TIAM1: variants seen among roughly 807,000 people sequenced by gnomAD.
The protein encoded by TIAM1 is TIAM Rac1 associated GEF 1, also known as rho guanine nucleotide exchange factor TIAM1.
A neutral mutation model predicts 163.5 loss-of-function variants in TIAM1; 65 were observed. The observed-to-expected ratio is 0.40, with a 90% confidence interval of 0.33 to 0.49. TIAM1 has a LOEUF of 0.49. TIAM1 is among the 20% of genes least tolerant of loss of function. The probability of loss-of-function intolerance (pLI) is 0.77; values close to 1 mark genes in which losing one functional copy is unlikely to be tolerated. For synonymous variants in TIAM1, 833 were observed against 810.1 expected (o/e 1.03, Z -0.48); for missense variants, 1,789 against 2,044.7 (o/e 0.87, Z 2.41).
At chr21:31,372,612 T>A (rs1372168302) in intron 2 of TIAM1, among the ~76,000 whole-genome samples, 1 of 151,346 alleles carries the variant, frequency 6.6e-6, no homozygotes, top group Non-Finnish European at 1.5e-5. Flanking sequence ...CAGGCGAGGG[T>A]AGGGGTGGGG....
chr21:31,177,505 G>T (rs866443121), intron 15 of TIAM1, among the ~76,000 whole-genome samples: 1 of 152,156 alleles, frequency 6.6e-6, no homozygotes, highest in African/African-American at 2.4e-5. Context: ...TATTTGGGAG[G>T]CTGAGGCAGG....
intron 19 of TIAM1, among the ~76,000 whole-genome samples, chr21:31,149,038 GGAGCAAA>G (rs1263311894): frequency 6.6e-6 from 1 of 151,532 alleles, no homozygotes; most frequent in Non-Finnish European, 1.5e-5. Flanking sequence ...AACAGGTTTG[GGAGCAAA>G]TCTGGAAACC....
At chr21:31,535,279 G>A (rs2048093585) in intron 1 of TIAM1, among the ~76,000 whole-genome samples, 1 of 149,324 alleles carries the variant, frequency 6.7e-6, no homozygotes, top group Admixed American at 6.8e-5. Flanking sequence ...TGCTCAGGAG[G>A]CTGAGGCAGA....
intron 2 of TIAM1, among the ~76,000 whole-genome samples, chr21:31,386,423 T>G (rs1335120810): frequency 6.6e-6 from 1 of 151,596 alleles, no homozygotes; most frequent in East Asian, 1.9e-4. Flanking sequence ...AAAAGCAAAA[T>G]CAAACCCACA....
chr21:31,195,311 A>C lies in TIAM1; in HGVS notation c.2494-6T>G. ...ATTTCAATTTCTTTGTACAGCTGAA[A>C]GTTACAAAGGGGAATCTAATTAGAA... On this transcript the variant is annotated splice_region_variant and splice_polypyrimidine_tract_variant and intron_variant, in intron 12 of 27. Coordinates refer to ENST00000541036, the MANE Select transcript of TIAM1 (RefSeq NM_001353694.2). The C allele has an allele frequency of 6.2e-7, 1 of 1,600,656 alleles. No homozygotes were observed. Among genetic ancestry groups the C allele is most frequent in the Non-Finnish European group, 8.5e-7 (1 of 1,169,954 alleles).
At chr21:31,136,202 G>A (rs2082614331) in intron 22 of TIAM1, among the ~76,000 whole-genome samples, 161 bp from the exon 23 acceptor site, 1 of 152,178 alleles carries the variant, frequency 6.6e-6, no homozygotes, top group African/African-American at 2.4e-5. Flanking sequence ...AAGTTAAACT[G>A]CTGGATTTAG....
At chr21:31,432,551 C>A (rs376785605) in intron 2 of TIAM1, among the ~76,000 whole-genome samples, 3 of 152,292 alleles carry the variant, frequency 2.0e-5, no homozygotes, top group African/African-American at 7.2e-5. Context: ...GACACACTCT[C>A]CGGCCAGTTT....
intron 2 of TIAM1, among the ~76,000 whole-genome samples, chr21:31,338,547 T>TA (rs2075921575): frequency 6.6e-6 from 1 of 152,176 alleles, no homozygotes; most frequent in Non-Finnish European, 1.5e-5. Flanking sequence ...CTGCATGGGC[T>TA]AACGTGACCG....
chr21:31,167,240 C>T (rs1288916376), intron 15 of TIAM1, among the ~76,000 whole-genome samples: 2 of 151,894 alleles, frequency 1.3e-5, no homozygotes, highest in Non-Finnish European at 2.9e-5. Context: ...TACAGGTGTG[C>T]ACCACCATGT....
chr21:31,231,259 T>C (rs2088409324), intron 6 of TIAM1, among the ~76,000 whole-genome samples: 1 of 152,160 alleles, frequency 6.6e-6, no homozygotes, highest in Non-Finnish European at 1.5e-5. Context: ...GAGATTTAAG[T>C]GCTCCTTTCT....
intron 15 of TIAM1, among the ~76,000 whole-genome samples, chr21:31,177,024 G>A (rs922942455): frequency 1.6e-4 from 24 of 152,328 alleles, no homozygotes; most frequent in African/African-American, 5.8e-4. Flanking sequence ...ACCTGTTGCA[G>A]ACTGAGGTGG....
At chr21:31,235,360 C>T (rs1375672260) in intron 6 of TIAM1, among the ~76,000 whole-genome samples, 1 of 152,174 alleles carries the variant, frequency 6.6e-6, no homozygotes, top group East Asian at 1.9e-4. Flanking sequence ...GCAGCCAATA[C>T]TATTTATATG....
intron 2 of TIAM1, among the ~76,000 whole-genome samples, chr21:31,448,899 C>T (rs929790522): frequency 1.3e-5 from 2 of 152,128 alleles, no homozygotes; most frequent in African/African-American, 4.8e-5. Context: ...AGGTACTTGA[C>T]CTCTCCCAAC....
At chr21:31,161,418 G>A (rs999429944) in intron 16 of TIAM1, among the ~76,000 whole-genome samples, 20 of 152,156 alleles carry the variant, frequency 1.3e-4, no homozygotes, top group African/African-American at 4.6e-4. Flanking sequence ...GAAAGAGAAA[G>A]GCTGCTAGAC....
At chr21:31,406,221 G>A (rs535152979) in intron 2 of TIAM1, among the ~76,000 whole-genome samples, 12 of 146,856 alleles carry the variant, frequency 8.2e-5, no homozygotes, top group African/African-American at 2.8e-4. Flanking sequence ...TCACTCTTGA[G>A]CAGGTTCCCA....
intron 2 of TIAM1, among the ~76,000 whole-genome samples, chr21:31,315,031 C>T (rs545754519): frequency 6.6e-6 from 1 of 152,088 alleles, no homozygotes; most frequent in Non-Finnish European, 1.5e-5. Context: ...TGGTGAGAGT[C>T]GCCAAACCTC....
At chr21:31,446,722 A>G (rs557548722) in intron 2 of TIAM1, among the ~76,000 whole-genome samples, 1 of 152,342 alleles carries the variant, frequency 6.6e-6, no homozygotes, top group East Asian at 1.9e-4. Flanking sequence ...GGCAGGCACC[A>G]TAGCAGCAGC....
intron 15 of TIAM1, among the ~76,000 whole-genome samples, chr21:31,173,928 C>T (rs931575988): frequency 7.2e-5 from 11 of 152,172 alleles, no homozygotes; most frequent in Admixed American, 7.2e-4. Context: ...ACCCCGCCCC[C>T]GGCCATAGCA....
chr21:31,205,370 C>T (rs963033289), intron 11 of TIAM1, among the ~76,000 whole-genome samples: 7 of 152,176 alleles, frequency 4.6e-5, no homozygotes, highest in African/African-American at 1.4e-4. Context: ...TTAATAAACA[C>T]TTTGTGGGCA....
Sources: allele counts gnomAD v4.1 joint callset (sites outside exome capture counted in the v4.1 genomes callset), GRCh38; gene constraint gnomAD v4.1.1; transcripts MANE v1.5; gene names NCBI Gene and HGNC (gene_info 2026-07-23, HGNC 2026-07-21).